The following HPSE2 variants were observed in gnomAD, a reference collection of about 807,000 sequenced individuals.
HPSE2 encodes inactive heparanase-2.
Under a neutral mutation model 60.5 loss-of-function variants are expected in HPSE2, and 38 were observed. The observed-to-expected ratio is 0.63, with a 90% confidence interval of 0.48 to 0.82. The LOEUF is 0.82. Among genes scored for constraint, HPSE2 ranks in the 40% least tolerant of loss-of-function variants. The pLI, the probability that HPSE2 is intolerant of heterozygous loss-of-function variation, is 0.00. For missense variants in HPSE2, 713 were observed against 740.4 expected (o/e 0.96, Z 0.43); for synonymous variants, 295 against 293.2 (o/e 1.01, Z -0.06).
At chr10:99,109,106 T>C (rs74392522) in intron 3 of HPSE2, among the ~76,000 whole-genome samples, 3,114 of 152,270 alleles carry the variant, frequency 0.02, 100 homozygotes, top group African/African-American at 0.057. Context: ...TCAATAAAAA[T>C]TGTGGAGTAC....
At chr10:98,580,501 C>T (rs930430885) in intron 9 of HPSE2, among the ~76,000 whole-genome samples, 7 of 151,504 alleles carry the variant, frequency 4.6e-5, no homozygotes, top group African/African-American at 1.7e-4. Flanking sequence ...TTTTCCAGTC[C>T]TTTTATTATT....
intron 3 of HPSE2, among the ~76,000 whole-genome samples, chr10:99,075,394 T>C (rs1353039265): frequency 6.6e-6 from 1 of 152,208 alleles, no homozygotes; most frequent in Non-Finnish European, 1.5e-5. Context: ...GAAAAGATAC[T>C]TGGTATGATT....
At chr10:98,675,715 C>A (rs2134123059) in intron 6 of HPSE2, among the ~76,000 whole-genome samples, 1 of 152,038 alleles carries the variant, frequency 6.6e-6, no homozygotes, top group East Asian at 1.9e-4. Flanking sequence ...GCATGGGTGA[C>A]AGCATAAGAC....
chr10:98,834,686 T>TGG (rs1458422753), intron 3 of HPSE2, among the ~76,000 whole-genome samples: 6 of 152,186 alleles, frequency 3.9e-5, no homozygotes, highest in Non-Finnish European at 5.9e-5. Context: ...TTAGGAGATC[T>TGG]GTGAGGTCCT....
chr10:98,956,024 G>A (rs1300721447), intron 3 of HPSE2, among the ~76,000 whole-genome samples: 1 of 152,060 alleles, frequency 6.6e-6, no homozygotes, highest in Non-Finnish European at 1.5e-5. Context: ...TAGGCAATGG[G>A]TTGATAGGTA....
intron 9 of HPSE2, among the ~76,000 whole-genome samples, chr10:98,514,265 G>T (rs1057033767): frequency 6.6e-6 from 1 of 152,136 alleles, no homozygotes; most frequent in Non-Finnish European, 1.5e-5. Flanking sequence ...AAAGGTGGAA[G>T]GGGGAGGCAA....
intron 3 of HPSE2, among the ~76,000 whole-genome samples, chr10:99,028,343 T>C (rs79522234): frequency 1.3e-5 from 2 of 152,126 alleles, no homozygotes; most frequent in South Asian, 2.1e-4. Context: ...ATTTTCTATA[T>C]GTCAACAGTG....
chr10:98,998,327 T>G (rs1956696405), intron 3 of HPSE2, among the ~76,000 whole-genome samples: 1 of 152,242 alleles, frequency 6.6e-6, no homozygotes, highest in African/African-American at 2.4e-5. Flanking sequence ...AAGAAAATTT[T>G]CAGTGGTTTT....
intron 3 of HPSE2, among the ~76,000 whole-genome samples, chr10:98,900,445 G>A (rs565295679): frequency 5.9e-5 from 9 of 152,228 alleles, no homozygotes; most frequent in African/African-American, 1.9e-4. Flanking sequence ...GGTAAGAGGC[G>A]TGAGAAAACT....
intron 2 of HPSE2, among the ~76,000 whole-genome samples, chr10:99,146,831 A>C (rs1295701355): frequency 1.3e-5 from 2 of 152,238 alleles, no homozygotes; most frequent in Non-Finnish European, 2.9e-5. Context: ...ACTGCACTCC[A>C]GTCTGGGTGA....
chr10:98,616,463 T>C (rs1352887975), intron 8 of HPSE2, among the ~76,000 whole-genome samples: 1 of 152,214 alleles, frequency 6.6e-6, no homozygotes, highest in Admixed American at 6.5e-5. Context: ...CGCATAGTTA[T>C]GATTTCCTAA....
chr10:98,834,188 C>A (rs1360308094), intron 3 of HPSE2, among the ~76,000 whole-genome samples: 1 of 152,020 alleles, frequency 6.6e-6, no homozygotes, highest in Non-Finnish European at 1.5e-5. Context: ...ACTCAGAAGA[C>A]AATTTCAGGA....
At chr10:99,125,048 T>C (rs1244094598) in intron 3 of HPSE2, among the ~76,000 whole-genome samples, 1 of 152,238 alleles carries the variant, frequency 6.6e-6, no homozygotes, top group Admixed American at 6.5e-5. Context: ...TGGTATACAG[T>C]AAGCACTCAG....
intron 3 of HPSE2, among the ~76,000 whole-genome samples, chr10:98,793,194 CTG>C (rs1950696206): frequency 6.6e-6 from 1 of 152,198 alleles, no homozygotes; most frequent in Admixed American, 6.5e-5. Flanking sequence ...TTTGAAAACT[CTG>C]TTCTCCCTAA....
At chr10:98,557,188 G>A (rs1944036296) in intron 9 of HPSE2, among the ~76,000 whole-genome samples, 1 of 152,050 alleles carries the variant, frequency 6.6e-6, no homozygotes, top group African/African-American at 2.4e-5. Context: ...ACTCCAGTCT[G>A]CGCAACAGAG....
intron 2 of HPSE2, among the ~76,000 whole-genome samples, chr10:99,172,695 C>T (rs779016077): frequency 2.0e-5 from 3 of 152,034 alleles, no homozygotes; most frequent in Middle Eastern, 3.4e-3. Flanking sequence ...CTGGCCAACG[C>T]GGTGAAAACC....
chr10:98,635,560 C>T (rs1565035952), intron 7 of HPSE2, among the ~76,000 whole-genome samples: 3 of 152,140 alleles, frequency 2.0e-5, no homozygotes, highest in Middle Eastern at 6.8e-3. Context: ...GCAGGAGAGT[C>T]ACTTGAGACC....
At chr10:98,695,957 A>G (rs1437608810) in intron 5 of HPSE2, among the ~76,000 whole-genome samples, 1 of 152,182 alleles carries the variant, frequency 6.6e-6, no homozygotes, top group Non-Finnish European at 1.5e-5. Flanking sequence ...TGAAAAATAC[A>G]AGGAGAAAGA....
At chr10:99,237,295 T>C (rs917388654), upstream of HPSE2, among the ~76,000 whole-genome samples, 7 of 152,076 alleles carry the variant, frequency 4.6e-5, no homozygotes, top group African/African-American at 1.4e-4. Flanking sequence ...CTCCTTGGTA[T>C]CAAACAAGCA....
Sources: gnomAD v4.1 joint callset for allele counts (sites outside exome capture counted in the v4.1 genomes callset) on GRCh38, gnomAD v4.1.1 for gene constraint, MANE v1.5 for transcripts, NCBI Gene and HGNC (gene_info 2026-07-23, HGNC 2026-07-21) for gene names.